ATXN1: variants seen among roughly 807,000 people sequenced by gnomAD.
ATXN1 encodes the protein ataxin-1.
In ATXN1, 8 loss-of-function variants were observed where a neutral mutation model predicts 56.4. The observed-to-expected ratio is 0.14, with a 90% CI of 0.08 to 0.26. ATXN1 has a LOEUF of 0.26. Ranked by LOEUF, ATXN1 falls within the 10% of genes least tolerant of loss-of-function variation. The pLI is 1.00. For synonymous variants in ATXN1, 514 were observed against 494.6 expected (o/e 1.04, Z -0.52); for missense variants, 987 against 1,106.5 (o/e 0.89, Z 1.53).
chr6:16,750,270 C>G (rs1325957103), intron 2 of ATXN1, among the ~76,000 whole-genome samples: 1 of 152,216 alleles, frequency 6.6e-6, no homozygotes, highest in African/African-American at 2.4e-5. Context: ...TCCATTCCCA[C>G]AGCACCATGC....
intron 2 of ATXN1, among the ~76,000 whole-genome samples, chr6:16,703,964 A>G (rs931111723): frequency 2.0e-5 from 3 of 152,232 alleles, no homozygotes; most frequent in Admixed American, 1.3e-4. Context: ...GGTTGCAGTG[A>G]GCTGAGATCA....
chr6:16,334,354 C>G, intron 6 of ATXN1, among the ~76,000 whole-genome samples: 2 of 152,022 alleles, frequency 1.3e-5, no homozygotes. Context: ...TGAAAGAGCC[C>G]AGAAAGTTTT....
At chr6:16,681,522 A>G (rs2113400884) in intron 2 of ATXN1, among the ~76,000 whole-genome samples, 1 of 152,340 alleles carries the variant, frequency 6.6e-6, no homozygotes. Context: ...TGCATATGAA[A>G]AAGGATCCGC....
chr6:16,470,862 C>T (rs1038489368), intron 6 of ATXN1, among the ~76,000 whole-genome samples: 1 of 152,142 alleles, frequency 6.6e-6, no homozygotes, highest in African/African-American at 2.4e-5. Flanking sequence ...TTAAATCCTT[C>T]CAACCCTTAG....
At chr6:16,698,932 C>T (rs1759225661) in intron 2 of ATXN1, among the ~76,000 whole-genome samples, 1 of 152,170 alleles carries the variant, frequency 6.6e-6, no homozygotes, top group South Asian at 2.1e-4. Context: ...GCTTTTTCAA[C>T]TAAGCTAATT....
chr6:16,605,152 C>G (rs570983343), intron 3 of ATXN1, among the ~76,000 whole-genome samples: 160 of 152,324 alleles, frequency 1.1e-3, no homozygotes, highest in African/African-American at 3.7e-3. Flanking sequence ...CTATGCAGCA[C>G]AGTATCAATT....
chr6:16,371,313 ATT>A (rs59728940), intron 6 of ATXN1, among the ~76,000 whole-genome samples: 146 of 143,906 alleles, frequency 1.0e-3, no homozygotes, highest in African/African-American at 3.3e-3. Context: ...TGTAGTTACA[ATT>A]TTTTTTTTTT....
chr6:16,649,728 C>T (rs1763861596), intron 3 of ATXN1, among the ~76,000 whole-genome samples: 2 of 151,934 alleles, frequency 1.3e-5, no homozygotes, highest in Admixed American at 1.3e-4. Context: ...TAATATCTTA[C>T]CTGAAGGATT....
intron 6 of ATXN1, among the ~76,000 whole-genome samples, chr6:16,346,864 T>C (rs1761408351): frequency 6.6e-6 from 1 of 152,190 alleles, no homozygotes. Context: ...CTCCCTCAGC[T>C]TGCGCGGAGG....
At chr6:16,591,417 T>C (rs1762720712) in intron 3 of ATXN1, among the ~76,000 whole-genome samples, 1 of 152,236 alleles carries the variant, frequency 6.6e-6, no homozygotes, top group Non-Finnish European at 1.5e-5. Context: ...AAAGTCTTAA[T>C]TTGATCATTT....
At chr6:16,567,561 C>A (rs1440175661) in intron 4 of ATXN1, among the ~76,000 whole-genome samples, 1 of 152,186 alleles carries the variant, frequency 6.6e-6, no homozygotes, top group Non-Finnish European at 1.5e-5. Flanking sequence ...GACAAGCTTG[C>A]ATAGTCCTAG....
At chr6:16,324,640 C>T (rs1342088621) in intron 7 of ATXN1, among the ~76,000 whole-genome samples, 1 of 152,124 alleles carries the variant, frequency 6.6e-6, no homozygotes, top group Admixed American at 6.5e-5. Context: ...AAAGTACGCT[C>T]GATAGCCAGG....
At chr6:16,736,541 T>C (rs1005850997) in intron 2 of ATXN1, among the ~76,000 whole-genome samples, 5 of 152,222 alleles carry the variant, frequency 3.3e-5, no homozygotes, top group African/African-American at 1.2e-4. Context: ...AGTTGTATCA[T>C]AGCTGTACAA....
intron 6 of ATXN1, among the ~76,000 whole-genome samples, chr6:16,426,061 G>A (rs1171778674): frequency 6.6e-6 from 1 of 152,190 alleles, no homozygotes; most frequent in Non-Finnish European, 1.5e-5. Context: ...CTGCCACAGA[G>A]GCAGAGCTTA....
chr6:16,678,088 G>C (rs186491245), intron 2 of ATXN1, among the ~76,000 whole-genome samples: 121 of 152,140 alleles, frequency 8.0e-4, no homozygotes, highest in African/African-American at 2.8e-3. Flanking sequence ...AGAGCAAAAA[G>C]AAGGGAAAAA....
intron 6 of ATXN1, among the ~76,000 whole-genome samples, chr6:16,482,061 C>A (rs1361052777): frequency 1.3e-5 from 2 of 151,824 alleles, no homozygotes; most frequent in Non-Finnish European, 1.5e-5. Context: ...TCTTTATACA[C>A]ATCAAGTATC....
At chr6:16,542,054 C>T (rs964082567) in intron 4 of ATXN1, among the ~76,000 whole-genome samples, 11 of 151,974 alleles carry the variant, frequency 7.2e-5, no homozygotes, top group East Asian at 1.9e-4. Flanking sequence ...TGGGGGAAAA[C>T]GCCACCACCA....
intron 4 of ATXN1, among the ~76,000 whole-genome samples, chr6:16,541,232 G>A (rs540491207): frequency 2.0e-5 from 3 of 152,254 alleles, no homozygotes; most frequent in East Asian, 1.9e-4. Flanking sequence ...ACTGCACCAC[G>A]CAACACTACT....
At chr6:16,617,812 A>C (rs1053231355) in intron 3 of ATXN1, among the ~76,000 whole-genome samples, 7 of 151,920 alleles carry the variant, frequency 4.6e-5, no homozygotes, top group Non-Finnish European at 7.4e-5. Context: ...AAAAACATTT[A>C]GTTTTTATTA....
Sources: allele counts gnomAD v4.1 joint callset (sites outside exome capture counted in the v4.1 genomes callset), GRCh38; gene constraint gnomAD v4.1.1; transcripts MANE v1.5; gene names NCBI Gene and HGNC (gene_info 2026-07-23, HGNC 2026-07-21).